BCHE: variants seen among roughly 807,000 people sequenced by gnomAD.
BCHE encodes cholinesterase.
BCHE carries 48 observed loss-of-function variants against 51.3 expected under a neutral mutation model. That is an observed-to-expected ratio of 0.94 (90% CI 0.74 to 1.19). The LOEUF is 1.19. Ranked by LOEUF, BCHE falls within the 50% of genes most tolerant of loss-of-function variation. The pLI is 0.00. For synonymous variants in BCHE, 251 were observed against 238.0 expected (o/e 1.05, Z -0.50); for missense variants, 847 against 708.2 (o/e 1.20, Z -2.23).
chr3:165,793,206 G>A (rs547584602), intron 2 of BCHE, among the ~76,000 whole-genome samples: 1 of 152,194 alleles, frequency 6.6e-6, no homozygotes, highest in East Asian at 1.9e-4. Context: ...CACTAACAAT[G>A]TTACTCAATT....
At chr3:165,835,152 T>G (rs1342860857) in intron 1 of BCHE, among the ~76,000 whole-genome samples, 1 of 150,950 alleles carries the variant, frequency 6.6e-6, no homozygotes, top group African/African-American at 2.4e-5. Context: ...TTGAAAATGC[T>G]AAACTGTTAT....
chr3:165,811,718 A>C (rs1714105136), intron 2 of BCHE, among the ~76,000 whole-genome samples: 1 of 152,090 alleles, frequency 6.6e-6, no homozygotes, highest in Non-Finnish European at 1.5e-5. Context: ...GTACACAGAT[A>C]ACCATAGTTT....
At chr3:165,804,014 G>T (rs1441715590) in intron 2 of BCHE, among the ~76,000 whole-genome samples, 1 of 147,850 alleles carries the variant, frequency 6.8e-6, no homozygotes, top group East Asian at 2.0e-4. Flanking sequence ...GACATGAGAA[G>T]AAATCACAAA....
At chr3:165,774,498 G>A (rs1473417352) in intron 3 of BCHE, among the ~76,000 whole-genome samples, 1 of 151,758 alleles carries the variant, frequency 6.6e-6, no homozygotes, top group Admixed American at 6.6e-5. Flanking sequence ...ACCATGTTTG[G>A]CTAATTTTTG....
At chr3:165,798,894 TAA>T (rs532174201) in intron 2 of BCHE, among the ~76,000 whole-genome samples, 265 of 150,650 alleles carry the variant, frequency 1.8e-3, no homozygotes, top group African/African-American at 6.3e-3. Flanking sequence ...AAACAAATAA[TAA>T]AAAAAAACTA....
At chr3:165,777,190 T>G (rs1418061032) in intron 3 of BCHE, among the ~76,000 whole-genome samples, 1 of 151,904 alleles carries the variant, frequency 6.6e-6, no homozygotes, top group Non-Finnish European at 1.5e-5. Context: ...CTTGTAGAAT[T>G]TCATGCAACT....
chr3:165,815,143 A>C (rs1007775690), intron 2 of BCHE, among the ~76,000 whole-genome samples: 1 of 151,342 alleles, frequency 6.6e-6, no homozygotes, highest in Non-Finnish European at 1.5e-5. Context: ...TTTATCTGGC[A>C]ATATTACTTA....
chr3:165,808,264 C>A (rs993953845), intron 2 of BCHE, among the ~76,000 whole-genome samples: 3 of 151,988 alleles, frequency 2.0e-5, no homozygotes, highest in Non-Finnish European at 4.4e-5. Context: ...GGATTACAGG[C>A]GCGATATTGC....
intron 2 of BCHE, among the ~76,000 whole-genome samples, chr3:165,790,593 A>G (rs1483016649): frequency 6.6e-6 from 1 of 152,196 alleles, no homozygotes; most frequent in African/African-American, 2.4e-5. Context: ...GAGGGTAGCC[A>G]TAAGGACCCT....
rs900858413 is a variant in BCHE at position 165,816,070 on chromosome 3, C to T, written c.1517+13447G>A. ...TTAAAATTTAGGGCACAGTACAAGT[C>T]AATAGGTTTCAATATGACCTTTTCT... On this transcript the variant is annotated intron_variant, in intron 2 of 3. Transcript: ENST00000264381. Among the ~76,000 whole-genome samples the T allele has an allele frequency of 1.4e-4, 21 of 151,616 alleles. No individual in the cohort carries two copies. The East Asian group carries it at 3.7e-3, about 27-fold the overall frequency.
At chr3:165,787,552 T>C (rs1713002046) in intron 2 of BCHE, among the ~76,000 whole-genome samples, 1 of 151,900 alleles carries the variant, frequency 6.6e-6, no homozygotes, top group Non-Finnish European at 1.5e-5. Context: ...AATGGGAATC[T>C]GGCTGAAAGA....
At chr3:165,796,446 G>T (rs1428545937) in intron 2 of BCHE, among the ~76,000 whole-genome samples, 5 of 152,052 alleles carry the variant, frequency 3.3e-5, no homozygotes. Context: ...TTTATTACTA[G>T]ATCCTAATGA....
At chr3:165,788,766 G>A (rs572721260) in intron 2 of BCHE, among the ~76,000 whole-genome samples, 1 of 152,254 alleles carries the variant, frequency 6.6e-6, no homozygotes, top group South Asian at 2.1e-4. Context: ...TAATGACACT[G>A]CCAGTGAGTG....
Position 165,829,933 on chromosome 3 carries a change from T to G in BCHE, c.1101A>C (p.Lys367Asn). ...TTCTAGTTATGATACTATTGTTATC[T>G]TTGCTGAAGCCAGGAGCACCATAGA... ...FLVYGAPGFS[K>N]DNNSIITRKE... Residue 367 changes from lysine (K) to asparagine (N), a missense_variant, in exon 2 of 4, where the codon AAA becomes AAC. Physicochemically the swap from Lys to Asn is moderately conservative, Grantham distance 94. Coordinates refer to ENST00000264381, the MANE Select transcript of BCHE (RefSeq NM_000055.4). 6.2e-7 allele frequency: 1 copy of G among 1,613,600 alleles called. No individual in the cohort carries two copies. Among genetic ancestry groups the G allele is most frequent in the Non-Finnish European group, 8.5e-7 (1 of 1,179,832 alleles).
chr3:165,778,797 C>T (rs1712571821), intron 3 of BCHE: 1 of 379,306 alleles, frequency 2.6e-6, no homozygotes, highest in Non-Finnish European at 5.7e-6. Context: ...AATTATATTT[C>T]TATTAGGTAT....
intron 2 of BCHE, among the ~76,000 whole-genome samples, chr3:165,788,915 C>A (rs991624585): frequency 6.6e-6 from 1 of 152,040 alleles, no homozygotes; most frequent in Non-Finnish European, 1.5e-5. Context: ...GTATTTTATT[C>A]TATAATTTGA....
At chr3:165,821,927 G>A (rs1326403543) in intron 2 of BCHE, among the ~76,000 whole-genome samples, 4 of 133,322 alleles carry the variant, frequency 3.0e-5, no homozygotes, top group African/African-American at 5.9e-5. Context: ...GGTGAAAAAT[G>A]TATTAATACA....
rs1380399061 is a variant in BCHE, at chr3:165,830,867, A to C, written c.167T>G (p.Phe56Cys). 6.2e-7 allele frequency: 1 copy of C among 1,613,964 alleles called. No individual in the cohort carries two copies. The highest frequency in any genetic ancestry group is 1.1e-5 in the South Asian group (1 of 91,084). ...TGGCTGTGCATAGGGAATTCCAAGAAAGGCTGTTACCGTGCCACCAAAAAC... is the reference window on the plus strand; with the variant it reads ...TGGCTGTGCATAGGGAATTCCAAGACAGGCTGTTACCGTGCCACCAAAAAC... ...LTVFGGTVTA[F>C]LGIPYAQPPL... Residue 56 changes from phenylalanine to cysteine, a missense_variant, in exon 2 of 4, where the codon TTT (phenylalanine) becomes TGT (cysteine). Transcript: ENST00000264381.
At chr3:165,820,132 G>A (rs1300789914) in intron 2 of BCHE, among the ~76,000 whole-genome samples, 2 of 152,042 alleles carry the variant, frequency 1.3e-5, no homozygotes, top group African/African-American at 4.8e-5. Flanking sequence ...GCTGCACTGC[G>A]AGAGAGTATT....
Sources: allele counts gnomAD v4.1 joint callset (sites outside exome capture counted in the v4.1 genomes callset), GRCh38; gene constraint gnomAD v4.1.1; transcripts MANE v1.5; gene names NCBI Gene and HGNC (gene_info 2026-07-23, HGNC 2026-07-21).